The following CEP290 variants were observed in gnomAD, a reference collection of about 807,000 sequenced individuals.
The protein encoded by CEP290 is centrosomal protein of 290 kDa.
A neutral mutation model predicts 344.9 loss-of-function variants in CEP290; 317 were observed. The ratio of observed to expected loss-of-function variants is 0.92; its 90% CI spans 0.84 to 1.01. CEP290 has a LOEUF of 1.01. CEP290 is among the 50% of genes least tolerant of loss of function. The pLI, the probability that CEP290 is intolerant of heterozygous loss-of-function variation, is 0.00. For missense variants in CEP290, 2,754 were observed against 2,761.4 expected, an observed-to-expected ratio of 1.00 and a Z score of 0.06; for synonymous variants, 932 against 895.8, an observed-to-expected ratio of 1.04 and a Z score of -0.72.
chr12:88,073,381 G>A (rs1171075551), intron 41 of CEP290, among the ~76,000 whole-genome samples: 1 of 152,130 alleles, frequency 6.6e-6, no homozygotes, highest in Non-Finnish European at 1.5e-5. Flanking sequence ...ATTAATGAAG[G>A]TGCAAGCACA....
chr12:88,131,237 A>T lies in CEP290; in HGVS notation c.442-19T>A, dbSNP rs113132803. ...GAGCCAACTAAAATAGTAAAAAAAA[A>T]AAATAAATAAGAAGAAGATAAAATT... is the stretch of plus-strand genomic sequence containing the variant. On this transcript the variant is annotated intron_variant, in intron 6 of 53. Coordinates refer to ENST00000552810, the MANE Select transcript of CEP290 (RefSeq NM_025114.4). 0.034 allele frequency: 49,632 copies of T among 1,457,462 alleles called. 1,213 individuals carry two copies. The highest frequency in any genetic ancestry group is 0.11 in the African/African-American group (7,383 of 67,032). The allele number at this position is 1,457,462 out of a possible 1,614,324, so 90.3% of individuals were successfully genotyped here. A position where few individuals can be genotyped will look rare whatever the true frequency, so the allele number is the denominator to read the frequency against.
chr12:88,101,019 G>A (rs971880143), intron 26 of CEP290, among the ~76,000 whole-genome samples: 3 of 152,074 alleles, frequency 2.0e-5, no homozygotes, highest in African/African-American at 7.2e-5. Context: ...TTTAAGGCGG[G>A]GAGTCACATG....
At chr12:88,136,485 G>T (rs1344663267) in intron 6 of CEP290, 158 bp downstream of exon 6, 10 of 667,336 alleles carry the variant, frequency 1.5e-5, no homozygotes, top group Non-Finnish European at 2.0e-5. Context: ...TTTTAAAATT[G>T]GTGATGACAA....
At chr12:88,098,129 C>G (rs896443223) in intron 26 of CEP290, among the ~76,000 whole-genome samples, 4 of 146,176 alleles carry the variant, frequency 2.7e-5, no homozygotes, top group African/African-American at 7.6e-5. Context: ...CAACACAGTA[C>G]TAAACATAGT....
Position 88,079,252 on chromosome 12 carries a change from A to G in CEP290, c.5227-23T>C, listed in dbSNP as rs773121143. On this transcript the variant is annotated intron_variant, in intron 38 of 53. Transcript: ENST00000552810. ...TGCCTAAAAATTAACCAAAAAAAAA[A>G]TGTAATTTTTAAAGGAAAACTGACA... The G allele has an allele frequency of 1.9e-6, 3 of 1,555,560 alleles. No homozygotes were observed. The East Asian group carries it at 7.1e-5, about 37-fold the overall frequency.
intron 22 of CEP290, among the ~76,000 whole-genome samples, chr12:88,110,814 AATAAAAGTGCTCATTT>A (rs1256839634): frequency 6.6e-6 from 1 of 152,206 alleles, no homozygotes; most frequent in Non-Finnish European, 1.5e-5. Flanking sequence ...CCCAGCAAGA[AATAAAAGTGCTCATTT>A]ACTTAACACT....
At chr12:88,060,702 A>G in intron 47 of CEP290, 128 bp downstream of exon 47, 5 of 651,382 alleles carry the variant, frequency 7.7e-6, no homozygotes, top group Non-Finnish European at 1.2e-5. Flanking sequence ...GTTTTTTTCT[A>G]TATTTATAAA....
chr12:88,102,439 G>C (rs2037960006), intron 26 of CEP290, among the ~76,000 whole-genome samples: 1 of 152,060 alleles, frequency 6.6e-6, no homozygotes, highest in African/African-American at 2.4e-5. Context: ...GTTTGTTCTG[G>C]GTACAGGGGT....
chr12:88,074,907 C>G (rs1224147750), intron 41 of CEP290, among the ~76,000 whole-genome samples: 3 of 152,330 alleles, frequency 2.0e-5, no homozygotes, highest in Admixed American at 2.0e-4. Context: ...TCTTACACAT[C>G]TCTTAACCTG....
In CEP290 at chr12:88,118,577, A is replaced by G; in HGVS notation, c.1624-7T>C. The G allele has an allele frequency of 6.2e-7, 1 of 1,606,162 alleles. No homozygotes were observed. Among genetic ancestry groups the G allele is most frequent in the South Asian group, 1.1e-5 (1 of 90,238 alleles). ...CTTCCTCTAGACTTTCAATCTGCAA[A>G]GTATAAATTATTAGTATTTCTCTAT... On this transcript the variant is annotated splice_region_variant and splice_polypyrimidine_tract_variant and intron_variant, in intron 16 of 53. Transcript: ENST00000552810.
Position 88,060,870 on chromosome 12 carries a change from TC to T in CEP290, c.6481del (p.Glu2161LysfsTer13). On this transcript the variant is annotated frameshift_variant, in exon 47 of 54. Transcript: ENST00000552810. LOFTEE classifies it high-confidence loss of function. ...LKKASGILTS[E>X]KMANIEQENE... ...TTCCTGCTCAATATTAGCCATTTTT[TC>T]ACTAGTCAATATTCCTGATGCTTTT... The T allele has an allele frequency of 6.5e-7, 1 of 1,543,922 alleles. No homozygotes were observed. The highest frequency in any genetic ancestry group is 2.4e-5 in the East Asian group (1 of 41,924).
Position 88,139,556 on chromosome 12 carries a change from A to C in CEP290, c.189T>G (p.Ala63=). 6.3e-7 allele frequency: 1 copy of C among 1,578,924 alleles called. No homozygotes were observed. The highest frequency in any genetic ancestry group is 8.6e-7 in the Non-Finnish European group (1 of 1,164,138). The change falls in exon 4 of 54, where the codon GCT becomes GCG. Residue 63 remains alanine (A), a synonymous_variant. Coordinates refer to ENST00000552810, the MANE Select transcript of CEP290 (RefSeq NM_025114.4). ...CTTCCAAAGCCAGCTCCACTTCTTG[A>C]GCTTTCATCTAAACATTAAAAAAAG... The part of the protein sequence containing the change: ...RITQSLMKMK[A]QEVELALEEV...
At position 88,055,775 on chromosome 12, in the gene CEP290, A is replaced by G. The variant is rs916920143; in HGVS notation, c.6819-58T>C. On this transcript the variant is annotated intron_variant, in intron 49 of 53. Transcript: ENST00000552810. ...GCAAATAATTTATGTCACTGATTTAAAAGTCAGTTCAAATAACTGTACTAA... is the reference window on the plus strand; with the variant it reads ...GCAAATAATTTATGTCACTGATTTAGAAGTCAGTTCAAATAACTGTACTAA... 1.3e-5 allele frequency: 16 copies of G among 1,200,504 alleles called. No individual in the cohort carries two copies. In the African/African-American group the frequency reaches 2.2e-4, roughly 17 times the overall value. 74.4% of individuals were successfully genotyped at this position (1,200,504 alleles called of 1,614,324 possible). A position where few individuals can be genotyped will look rare whatever the true frequency, so the allele number is the denominator to read the frequency against.
Position 88,049,093 on chromosome 12 carries a change from ATAC to A in CEP290, c.*88_*90del, listed in dbSNP as rs1206473794. ...AAAGGTACAAGGTAGTGAGAAGGAA[ATAC>A]TACAGTTCGGAGAACTGCTTATTTC... On this transcript the variant is annotated 3_prime_UTR_variant, in exon 54 of 54. Coordinates refer to ENST00000552810, the MANE Select transcript of CEP290 (RefSeq NM_025114.4). 1.3e-5 allele frequency: 9 copies of A among 683,074 alleles called. No individual in the cohort carries two copies. In the Admixed American group the frequency reaches 2.5e-4, roughly 19 times the overall value. 42.3% of individuals were successfully genotyped at this position (683,074 alleles called of 1,614,324 possible). A position where few individuals can be genotyped will look rare whatever the true frequency, so the allele number is the denominator to read the frequency against.
At chr12:88,141,676 A>C (rs2040681650) in intron 1 of CEP290, among the ~76,000 whole-genome samples, 1 of 152,194 alleles carries the variant, frequency 6.6e-6, no homozygotes, top group Non-Finnish European at 1.5e-5. Flanking sequence ...GAAGGCCGAC[A>C]ATCATCCCTG....
chr12:88,058,699 C>T, intron 49 of CEP290, 149 bp downstream of exon 49: 3 of 789,352 alleles, frequency 3.8e-6, no homozygotes, highest in Non-Finnish European at 6.0e-6. Context: ...AACAATACTA[C>T]AACAGAAAAA....
intron 25 of CEP290, among the ~76,000 whole-genome samples, chr12:88,105,970 G>A (rs1371536154): frequency 6.6e-6 from 1 of 151,804 alleles, no homozygotes; most frequent in Non-Finnish European, 1.5e-5. Flanking sequence ...TCACTATATT[G>A]CCTAGGCTGG....
intron 12 of CEP290, among the ~76,000 whole-genome samples, 189 bp downstream of exon 12, chr12:88,126,127 C>T (rs1328414860): frequency 2.6e-5 from 4 of 151,954 alleles, no homozygotes; most frequent in Non-Finnish European, 5.9e-5. Flanking sequence ...AAGTCTAATC[C>T]GTGATCTAAA....
At chr12:88,072,296 CTGTG>C in intron 41 of CEP290, among the ~76,000 whole-genome samples, 1 of 15,650 alleles carries the variant, frequency 6.4e-5, no homozygotes, top group Non-Finnish European at 2.0e-3. Flanking sequence ...AAAGTTTTGA[CTGTG>C]TTTTGACTGT....
Sources: gnomAD v4.1 joint callset for allele counts (sites outside exome capture counted in the v4.1 genomes callset) on GRCh38, gnomAD v4.1.1 for gene constraint, MANE v1.5 for transcripts, NCBI Gene and HGNC (gene_info 2026-07-23, HGNC 2026-07-21) for gene names.